MGAT5: variants seen among roughly 807,000 people sequenced by gnomAD.
The protein encoded by MGAT5 is alpha-1,6-mannosylglycoprotein 6-beta-N-acetylglucosaminyltransferase A.
MGAT5 carries 30 observed loss-of-function variants against 94.3 expected under a neutral mutation model. That is an observed-to-expected ratio of 0.32 (90% CI 0.24 to 0.43). The LOEUF (loss-of-function observed/expected upper bound fraction) is 0.43. Among genes scored for constraint, MGAT5 ranks in the 20% least tolerant of loss-of-function variants. The pLI, the probability that MGAT5 is intolerant of heterozygous loss-of-function variation, is 1.00. For synonymous variants in MGAT5, 310 were observed against 322.9 expected (o/e 0.96, Z 0.43); for missense variants, 691 against 905.5 (o/e 0.76, Z 3.04).
rs962011329 is a variant in MGAT5 at position 134,332,850 on chromosome 2, G to A, written c.574-3367G>A. ...CATGAAAAAATGCTCACCATCACTG[G>A]CCATCAGAGAAATGCAAATCAAAAC... On this transcript the variant is annotated intron_variant, in intron 4 of 15. Coordinates refer to ENST00000281923, the MANE Select transcript of MGAT5 (RefSeq NM_002410.5). 3.9e-5 allele frequency among the ~76,000 whole-genome samples: 6 copies of A among 152,124 alleles called. No individual in the cohort carries two copies. In the South Asian group the frequency reaches 6.2e-4, roughly 16 times the overall value.
intron 2 of MGAT5, among the ~76,000 whole-genome samples, chr2:134,275,252 G>A (rs1315123076): frequency 2.0e-5 from 3 of 152,184 alleles, no homozygotes; most frequent in African/African-American, 7.2e-5. Context: ...AGTTGAGCAA[G>A]AAGCAAATAT....
rs148546363 is a variant in MGAT5, at chr2:134,203,944, T to G, written c.-142-50318T>G. Among the ~76,000 whole-genome samples, 528 of 152,306 alleles carry G rather than the reference T, an allele frequency of 3.5e-3. 4 individuals carry two copies. Among genetic ancestry groups the G allele is most frequent in the African/African-American group, 0.012 (488 of 41,564 alleles). On this transcript the variant is annotated intron_variant, in intron 1 of 16. Coordinates refer to the MGAT5 transcript ENST00000409645. ...GGTATGTTGTGGGGATTTGATCTGA[T>G]GGGAGTAATTCCCTCTGAGTACTTA...
intron 14 of MGAT5, among the ~76,000 whole-genome samples, chr2:134,432,363 C>A (rs1268325747): frequency 6.6e-6 from 1 of 152,136 alleles, no homozygotes; most frequent in African/African-American, 2.4e-5. Context: ...AGAGTTAACT[C>A]CAACAATGGC....
chr2:134,137,046 GA>G (rs1686440813), intron 1 of MGAT5, among the ~76,000 whole-genome samples: 1 of 152,194 alleles, frequency 6.6e-6, no homozygotes, highest in African/African-American at 2.4e-5. Flanking sequence ...ATCCTAAACA[GA>G]AGTCTGATTT....
At chr2:134,143,648 G>A (rs957334617) in intron 1 of MGAT5, among the ~76,000 whole-genome samples, 1 of 152,204 alleles carries the variant, frequency 6.6e-6, no homozygotes, top group African/African-American at 2.4e-5. Flanking sequence ...GTGGTGCTGG[G>A]CTGGAATGGT....
chr2:134,443,384 G>T (rs1685595266), intron 15 of MGAT5, among the ~76,000 whole-genome samples: 1 of 152,154 alleles, frequency 6.6e-6, no homozygotes, highest in Non-Finnish European at 1.5e-5. Context: ...TAGAGACAGG[G>T]TTTTACCATG....
Position 134,171,615 on chromosome 2 carries a change from A to T in MGAT5, c.-143+51324A>T, listed in dbSNP as rs770960159. Among the ~76,000 whole-genome samples the T allele has an allele frequency of 3.6e-4, 55 of 152,204 alleles. 2 individuals carry two copies. Among genetic ancestry groups the T allele is most frequent in the Non-Finnish European group, 8.8e-5 (6 of 68,032 alleles). The stretch of plus-strand genomic sequence containing the variant: ...GTATCTTTTTTTGGGAGACGATCTT[A>T]AAGGCAGTTGGGCTCCAAAAAAACG... On this transcript the variant is annotated intron_variant, in intron 1 of 16. Transcript: ENST00000409645.
intron 2 of MGAT5, among the ~76,000 whole-genome samples, chr2:134,309,281 G>A (rs1573760993): frequency 1.3e-5 from 2 of 152,302 alleles, no homozygotes; most frequent in East Asian, 1.9e-4. Flanking sequence ...TATTATGAAT[G>A]TTTACATACA....
At chr2:134,144,741 G>A (rs1392353542) in intron 1 of MGAT5, among the ~76,000 whole-genome samples, 1 of 152,160 alleles carries the variant, frequency 6.6e-6, no homozygotes, top group Non-Finnish European at 1.5e-5. Flanking sequence ...ATATATATTA[G>A]GGATGCATGC....
chr2:134,141,500 A>ATGGG (rs1373371382), intron 1 of MGAT5, among the ~76,000 whole-genome samples: 1 of 10,216 alleles, frequency 9.8e-5, no homozygotes, highest in African/African-American at 4.5e-4. Context: ...GGGTGGATGA[A>ATGGG]TGGGTGGGTG....
At chr2:134,164,575 C>T (rs1687879038) in intron 1 of MGAT5, among the ~76,000 whole-genome samples, 2 of 152,084 alleles carry the variant, frequency 1.3e-5, no homozygotes, top group Non-Finnish European at 2.9e-5. Flanking sequence ...TTCCTGAATG[C>T]AAGGGCTTAC....
At chr2:134,139,697 C>A (rs1319236188) in intron 1 of MGAT5, among the ~76,000 whole-genome samples, 1 of 152,148 alleles carries the variant, frequency 6.6e-6, no homozygotes, top group Non-Finnish European at 1.5e-5. Flanking sequence ...CCTTCTAAGC[C>A]AGCTGAGGTG....
At chr2:134,428,583 C>A in intron 14 of MGAT5, 144 bp downstream of exon 14, 1 of 680,940 alleles carries the variant, frequency 1.5e-6, no homozygotes, top group Non-Finnish European at 2.5e-6. Flanking sequence ...ATAATAGTAG[C>A]ACTGTCATGG....
chr2:134,428,394 G>T lies in MGAT5; in HGVS notation c.1824G>T (p.Thr608=), dbSNP rs545961795. ...KIEPYMPYEF[T]CEGMLQRINA... ...AGCCATACATGCCATATGAATTTAC[G>T]TGCGAGGGGATGCTACAGAGAATCA... The change falls in exon 14 of 16, where the codon ACG becomes ACT. Residue 608 remains threonine, a synonymous_variant. Coordinates refer to ENST00000281923, the MANE Select transcript of MGAT5 (RefSeq NM_002410.5). 4 of 1,613,946 alleles carry T rather than the reference G, an allele frequency of 2.5e-6. No homozygotes were observed. The African/African-American group carries it at 5.3e-5, about 22-fold the overall frequency.
intron 1 of MGAT5, among the ~76,000 whole-genome samples, chr2:134,207,740 G>A (rs1680083986): frequency 6.6e-6 from 1 of 152,148 alleles, no homozygotes; most frequent in Non-Finnish European, 1.5e-5. Flanking sequence ...CAGACACCAG[G>A]TTGCAGTGAT....
At chr2:134,362,503 A>G in intron 10 of MGAT5, 95 bp downstream of exon 10, 1 of 1,433,798 alleles carries the variant, frequency 7.0e-7, no homozygotes, top group Non-Finnish European at 9.6e-7. Context: ...CCAAGTGCCC[A>G]GGGCTTAATG....
chr2:134,425,847 A>G (rs1451366485), intron 13 of MGAT5, among the ~76,000 whole-genome samples: 2 of 152,042 alleles, frequency 1.3e-5, no homozygotes, highest in African/African-American at 4.8e-5. Context: ...TTCACAGTGC[A>G]ATCTGTAGGC....
intron 1 of MGAT5, among the ~76,000 whole-genome samples, chr2:134,208,307 C>T (rs1680119107): frequency 6.6e-6 from 1 of 152,200 alleles, no homozygotes; most frequent in African/African-American, 2.4e-5. Context: ...CATATAGCAG[C>T]TTATGAATTT....
At position 134,416,612 on chromosome 2, in the gene MGAT5, C is replaced by T. The variant is rs565791686; in HGVS notation, c.1677+3597C>T. Among the ~76,000 whole-genome samples the T allele has an allele frequency of 3.9e-5, 6 of 152,012 alleles. No homozygotes were observed. In the East Asian group the frequency reaches 1.2e-3, roughly 29 times the overall value. On this transcript the variant is annotated intron_variant, in intron 12 of 15. Transcript: ENST00000281923. ...TCAGCCTCCTGAGTAGCTGGGACTA[C>T]AGTTGTGTGCCACGACACCTCGCTA...
Sources: gnomAD v4.1 joint callset for allele counts (sites outside exome capture counted in the v4.1 genomes callset) on GRCh38, gnomAD v4.1.1 for gene constraint, MANE v1.5 for transcripts, NCBI Gene and HGNC (gene_info 2026-07-23, HGNC 2026-07-21) for gene names.